ABTB2: variants seen among roughly 807,000 people sequenced by gnomAD.
ABTB2 encodes ankyrin repeat and BTB domain containing 2.
ABTB2 carries 56 observed loss-of-function variants against 104.1 expected under a neutral mutation model. That is an observed-to-expected ratio of 0.54 (90% CI 0.43 to 0.67). The LOEUF is 0.67. ABTB2 is among the 30% of genes least tolerant of loss of function. ABTB2 has a pLI of 0.00. For missense variants in ABTB2, 1,279 were observed against 1,407.7 expected, an observed-to-expected ratio of 0.91 and a Z score of 1.46; for synonymous variants, 606 against 608.2, an observed-to-expected ratio of 1.00 and a Z score of 0.05.
chr11:34,170,714 A>G (rs1852861145), intron 5 of ABTB2, among the ~76,000 whole-genome samples, 192 bp downstream of exon 5: 1 of 152,224 alleles, frequency 6.6e-6, no homozygotes, highest in Admixed American at 6.5e-5. Flanking sequence ...AAGTTCTTCC[A>G]AGGGATACTA....
chr11:34,352,859 C>T (rs1419221125), intron 1 of ABTB2, among the ~76,000 whole-genome samples: 1 of 152,080 alleles, frequency 6.6e-6, no homozygotes, highest in African/African-American at 2.4e-5. Flanking sequence ...AGTTTAAGGC[C>T]AGCCTGGGCA....
intron 1 of ABTB2, among the ~76,000 whole-genome samples, chr11:34,261,627 G>A (rs1854190508): frequency 1.3e-5 from 2 of 152,016 alleles, no homozygotes; most frequent in African/African-American, 2.4e-5. Context: ...AACCCCAGAA[G>A]GGAAGAGGCC....
At chr11:34,244,750 G>A (rs761540215) in intron 1 of ABTB2, among the ~76,000 whole-genome samples, 1 of 152,118 alleles carries the variant, frequency 6.6e-6, no homozygotes, top group Non-Finnish European at 1.5e-5. Context: ...TAAGATTGTT[G>A]TAATCCCAGC....
At chr11:34,172,286 C>T (rs548635194) in intron 4 of ABTB2, among the ~76,000 whole-genome samples, 16 of 146,894 alleles carry the variant, frequency 1.1e-4, no homozygotes, top group South Asian at 6.5e-4. Flanking sequence ...GCAGGAGAAT[C>T]GCTTGAACCC....
intron 3 of ABTB2, among the ~76,000 whole-genome samples, chr11:34,192,506 A>G (rs182034290): frequency 1.8e-4 from 27 of 152,260 alleles, no homozygotes; most frequent in South Asian, 1.2e-3. Context: ...CCGACCCCCA[A>G]TCAGAACTCT....
intron 1 of ABTB2, among the ~76,000 whole-genome samples, chr11:34,206,754 T>C (rs1253232676): frequency 6.6e-6 from 1 of 152,200 alleles, no homozygotes; most frequent in East Asian, 1.9e-4. Flanking sequence ...GTGTGTTCTC[T>C]GACCGTTCTG....
At chr11:34,245,170 T>C (rs1212045695) in intron 1 of ABTB2, among the ~76,000 whole-genome samples, 1 of 152,190 alleles carries the variant, frequency 6.6e-6, no homozygotes, top group Non-Finnish European at 1.5e-5. Context: ...CTCATCTCTG[T>C]CTCACATACA....
intron 9 of ABTB2, among the ~76,000 whole-genome samples, chr11:34,163,216 G>A (rs1481253437): frequency 6.6e-6 from 1 of 152,174 alleles, no homozygotes; most frequent in African/African-American, 2.4e-5. Context: ...TAAATGCAGA[G>A]CCTGAAACAC....
At chr11:34,297,795 G>A (rs58788284) in intron 1 of ABTB2, among the ~76,000 whole-genome samples, 13,237 of 58,394 alleles carry the variant, frequency 0.23, 1,629 homozygotes, top group African/African-American at 0.32. Flanking sequence ...TAAAAATAAA[G>A]GAAAGAAAAA....
At position 34,320,981 on chromosome 11, in the gene ABTB2, A is replaced by G. The variant is rs564889921; in HGVS notation, c.883+35720T>C. ...GTGGATCACCTGAGGTCGGGAGTTC[A>G]AGACCAGCCTGACCAACATGGAGAA... is the stretch of plus-strand genomic sequence containing the variant. On this transcript the variant is annotated intron_variant, in intron 1 of 16. Transcript: ENST00000435224. 5.3e-5 allele frequency among the ~76,000 whole-genome samples: 8 copies of G among 152,208 alleles called. 1 individual carries two copies. The South Asian group carries it at 1.7e-3, about 32-fold the overall frequency.
rs145037256 is a variant in ABTB2, at chr11:34,345,075, G to T, written c.883+11626C>A. 6.7e-4 allele frequency among the ~76,000 whole-genome samples: 102 copies of T among 152,296 alleles called. 1 individual carries two copies. The highest frequency in any genetic ancestry group is 6.8e-3 in the Middle Eastern group (2 of 294). The stretch of plus-strand genomic sequence containing the variant: ...AACACAATAGAGAGAGTGACCTTGT[G>T]GAAATACAAATCAGATCAAGTCACT... On this transcript the variant is annotated intron_variant, in intron 1 of 16. Transcript: ENST00000435224.
intron 14 of ABTB2, among the ~76,000 whole-genome samples, chr11:34,158,920 G>A (rs963537707): frequency 2.6e-5 from 4 of 152,180 alleles, no homozygotes; most frequent in African/African-American, 9.7e-5. Context: ...CAGGAGGGCT[G>A]GGGTGGGGCC....
intron 1 of ABTB2, among the ~76,000 whole-genome samples, chr11:34,265,235 G>T (rs1192769220): frequency 1.3e-5 from 2 of 152,216 alleles, no homozygotes; most frequent in African/African-American, 4.8e-5. Context: ...CACCGGCCTA[G>T]CTGGGGGAGA....
intron 2 of ABTB2, among the ~76,000 whole-genome samples, chr11:34,203,447 C>A (rs1045469056): frequency 6.6e-6 from 1 of 152,134 alleles, no homozygotes; most frequent in Non-Finnish European, 1.5e-5. Context: ...CATGACTGTG[C>A]GAGGGCCCAA....
chr11:34,263,226 C>A (rs925354511), intron 1 of ABTB2, among the ~76,000 whole-genome samples: 1 of 151,942 alleles, frequency 6.6e-6, no homozygotes, highest in Admixed American at 6.6e-5. Flanking sequence ...TTTGGTCTTA[C>A]GTGTGAGAGT....
intron 1 of ABTB2, among the ~76,000 whole-genome samples, chr11:34,311,776 CA>C (rs1228569781): frequency 2.3e-4 from 35 of 152,196 alleles, no homozygotes; most frequent in Non-Finnish European, 1.5e-5. Context: ...AAGGATGGAA[CA>C]GGTGCTACAA....
At chr11:34,299,597 C>T (rs1854674445) in intron 1 of ABTB2, among the ~76,000 whole-genome samples, 1 of 152,236 alleles carries the variant, frequency 6.6e-6, no homozygotes, top group African/African-American at 2.4e-5. Context: ...CCTGATGGGA[C>T]ATTTTAAACC....
At chr11:34,234,397 A>C (rs2064987) in intron 1 of ABTB2, among the ~76,000 whole-genome samples, 106,316 of 152,220 alleles carry the variant, frequency 0.7, 37,843 homozygotes, top group African/African-American at 0.84. Flanking sequence ...AATATCAGAG[A>C]CACAGTAAAT....
In ABTB2 at chr11:34,164,793, C is replaced by T. The variant is rs755450996; in HGVS notation, c.1881G>A (p.Leu627=). 1.2e-5 allele frequency: 19 copies of T among 1,578,588 alleles called. No individual in the cohort carries two copies. Among genetic ancestry groups the T allele is most frequent in the Non-Finnish European group, 1.5e-5 (18 of 1,168,374 alleles). ...TGAGGAGGGGGTCGGCGCCTCGGCT[C>T]AGCAACAAACTGACCAGCTCATAGT... ...AGNYELVSLL[L]SRGADPLLSM... is the part of the protein sequence containing the mutation. The change falls in exon 9 of 17, where the codon CTG becomes CTA. Residue 627 remains leucine, a synonymous_variant. Coordinates refer to ENST00000435224, the MANE Select transcript of ABTB2 (RefSeq NM_145804.3).
Sources: allele counts gnomAD v4.1 joint callset (sites outside exome capture counted in the v4.1 genomes callset), GRCh38; gene constraint gnomAD v4.1.1; transcripts MANE v1.5; gene names NCBI Gene and HGNC (gene_info 2026-07-23, HGNC 2026-07-21).